SSBP2: variants seen among roughly 807,000 people sequenced by gnomAD.
SSBP2 encodes the protein single-stranded DNA-binding protein 2.
A neutral mutation model predicts 61.8 loss-of-function variants in SSBP2; 17 were observed. The ratio of observed to expected loss-of-function variants is 0.28; its 90% CI spans 0.19 to 0.41. The LOEUF is 0.41. SSBP2 is among the 10% of genes least tolerant of loss of function. SSBP2 has a pLI of 1.00. For missense variants in SSBP2, 310 were observed against 458.7 expected, an observed-to-expected ratio of 0.68 and a Z score of 2.96; for synonymous variants, 139 against 141.3, an observed-to-expected ratio of 0.98 and a Z score of 0.12.
chr5:81,602,960 C>T (rs1246690762), intron 4 of SSBP2, among the ~76,000 whole-genome samples: 2 of 152,146 alleles, frequency 1.3e-5, no homozygotes, highest in African/African-American at 4.8e-5. Flanking sequence ...GAGTCCCTTC[C>T]AAGCTTCATG....
chr5:81,457,958 G>A (rs924792354), intron 10 of SSBP2, among the ~76,000 whole-genome samples: 5 of 151,882 alleles, frequency 3.3e-5, no homozygotes, highest in Admixed American at 1.3e-4. Flanking sequence ...CACTGCACCC[G>A]GCCAAAAACC....
At chr5:81,612,634 A>G (rs553597814) in intron 4 of SSBP2, among the ~76,000 whole-genome samples, 1 of 152,220 alleles carries the variant, frequency 6.6e-6, no homozygotes, top group South Asian at 2.1e-4. Flanking sequence ...ATAGATAAGA[A>G]GTAACTATAA....
rs1251151690 is a variant in SSBP2, at chr5:81,730,743, A to C, written c.62+20238T>G. 4.6e-5 allele frequency among the ~76,000 whole-genome samples: 7 copies of C among 152,310 alleles called. 1 individual carries two copies. The South Asian group carries it at 1.2e-3, about 27-fold the overall frequency. ...AATACAATCTGGTAGAAAGGAAAGAAAAGACTTTTTACAGCTCAGTCCAAA... is the reference window on the plus strand; with the variant it reads ...AATACAATCTGGTAGAAAGGAAAGACAAGACTTTTTACAGCTCAGTCCAAA... On this transcript the variant is annotated intron_variant, in intron 1 of 16. Transcript: ENST00000320672.
At chr5:81,467,663 T>G (rs760789346) in intron 8 of SSBP2, among the ~76,000 whole-genome samples, 23 of 152,022 alleles carry the variant, frequency 1.5e-4, no homozygotes, top group Non-Finnish European at 2.9e-4. Flanking sequence ...CATTTTAATG[T>G]TTTAACATGT....
intron 4 of SSBP2, among the ~76,000 whole-genome samples, chr5:81,612,911 C>G (rs1745597773): frequency 6.6e-6 from 1 of 151,960 alleles, no homozygotes; most frequent in Non-Finnish European, 1.5e-5. Flanking sequence ...TTCCCCAAGT[C>G]TTTCAAACTA....
chr5:81,718,950 A>G (rs1755360922), intron 1 of SSBP2, among the ~76,000 whole-genome samples: 1 of 152,200 alleles, frequency 6.6e-6, no homozygotes. Context: ...TCTTACATAA[A>G]TATCTCACTT....
At chr5:81,739,194 A>C (rs1283669234) in intron 1 of SSBP2, among the ~76,000 whole-genome samples, 5 of 138,408 alleles carry the variant, frequency 3.6e-5, no homozygotes, top group African/African-American at 1.3e-4. Context: ...AAAAAAAAAA[A>C]ATTGTTTATC....
At chr5:81,588,954 C>T (rs1189914694) in intron 4 of SSBP2, among the ~76,000 whole-genome samples, 1 of 152,106 alleles carries the variant, frequency 6.6e-6, no homozygotes, top group African/African-American at 2.4e-5. Flanking sequence ...GTCTCAGCTA[C>T]TCAGGAGGCT....
At chr5:81,440,518 G>T in intron 14 of SSBP2, 40 bp downstream of exon 14, 1 of 1,554,372 alleles carries the variant, frequency 6.4e-7, no homozygotes, top group Non-Finnish European at 8.9e-7. Context: ...TTAAGGTTTT[G>T]TTATGAATTT....
At chr5:81,658,263 T>C (rs1750395638) in intron 1 of SSBP2, among the ~76,000 whole-genome samples, 1 of 152,190 alleles carries the variant, frequency 6.6e-6, no homozygotes, top group Admixed American at 6.5e-5. Context: ...GCTGCTTCTA[T>C]GGCTTCAATG....
intron 15 of SSBP2, among the ~76,000 whole-genome samples, chr5:81,434,633 C>CAAAAAA (rs34269591): frequency 2.7e-3 from 115 of 42,906 alleles, no homozygotes; most frequent in Non-Finnish European, 3.6e-3. Flanking sequence ...ACTCTTGACT[C>CAAAAAA]AAAAAAAAAA....
At chr5:81,714,858 C>A (rs1039590922) in intron 1 of SSBP2, among the ~76,000 whole-genome samples, 2 of 151,892 alleles carry the variant, frequency 1.3e-5, no homozygotes, top group African/African-American at 4.8e-5. Context: ...TGTAAAGCAA[C>A]GGCAACAAAA....
At chr5:81,650,944 A>C (rs1749676793) in intron 1 of SSBP2, among the ~76,000 whole-genome samples, 1 of 152,170 alleles carries the variant, frequency 6.6e-6, no homozygotes, top group Non-Finnish European at 1.5e-5. Context: ...AGATCATATT[A>C]AGCATATGGG....
intron 3 of SSBP2, among the ~76,000 whole-genome samples, 160 bp from the exon 4 acceptor site, chr5:81,615,717 C>A (rs1745943978): frequency 6.6e-6 from 1 of 152,116 alleles, no homozygotes; most frequent in African/African-American, 2.4e-5. Context: ...GCTCTTCATG[C>A]AATAACAGTG....
At chr5:81,472,006 T>C (rs1279309081) in intron 8 of SSBP2, among the ~76,000 whole-genome samples, 1 of 152,000 alleles carries the variant, frequency 6.6e-6, no homozygotes, top group Non-Finnish European at 1.5e-5. Context: ...GGGTGCTGAG[T>C]TCTCAATTTT....
chr5:81,428,666 C>T lies in SSBP2; in HGVS notation c.975G>A (p.Met325Ile). The stretch of plus-strand genomic sequence containing the variant: ...GAGTGCCCGGTTGATTACTCAGGCT[C>T]ATATTATTGGGAGAATTCTGTAAAC... The change falls in exon 16 of 17, where the codon ATG becomes ATA. Residue 325 changes from methionine (M) to isoleucine (I), a missense_variant. By Grantham distance (10) the Met-to-Ile change is conservative. Transcript: ENST00000320672. 1.2e-6 allele frequency: 2 copies of T among 1,612,898 alleles called. No homozygotes were observed. The highest frequency in any genetic ancestry group is 1.7e-6 in the Non-Finnish European group (2 of 1,179,210).
chr5:81,528,420 C>T (rs71636275), intron 4 of SSBP2, among the ~76,000 whole-genome samples: 35,065 of 151,864 alleles, frequency 0.23, 5,169 homozygotes, highest in Middle Eastern at 0.38. Context: ...CATTAAAGTA[C>T]AATAAATTAC....
At position 81,726,535 on chromosome 5, in the gene SSBP2, T is replaced by A. The variant is rs558778363; in HGVS notation, c.62+24446A>T. On this transcript the variant is annotated intron_variant, in intron 1 of 16. Coordinates refer to ENST00000320672, the MANE Select transcript of SSBP2 (RefSeq NM_012446.5). ...ATGCTGCACTATTATACTTAAAACC[T>A]GCATACTATTACCAACTGAAGTTCC... 7.6e-4 allele frequency among the ~76,000 whole-genome samples: 116 copies of A among 152,332 alleles called. 1 individual carries two copies. Among genetic ancestry groups the A allele is most frequent in the African/African-American group, 2.7e-3 (113 of 41,578 alleles).
At chr5:81,487,100 G>T (rs1390464782) in intron 6 of SSBP2, among the ~76,000 whole-genome samples, 2 of 152,174 alleles carry the variant, frequency 1.3e-5, no homozygotes, top group Admixed American at 6.6e-5. Flanking sequence ...TGAAAAGACA[G>T]TATGAATGAA....
Sources: gnomAD v4.1 joint callset for allele counts (sites outside exome capture counted in the v4.1 genomes callset) on GRCh38, gnomAD v4.1.1 for gene constraint, MANE v1.5 for transcripts, NCBI Gene and HGNC (gene_info 2026-07-23, HGNC 2026-07-21) for gene names.